Variants in TFG observed in about 807,000 individuals in gnomAD.
TFG encodes protein TFG.
A neutral mutation model predicts 51.4 loss-of-function variants in TFG; 22 were observed. That is an observed-to-expected ratio of 0.43 (90% confidence interval 0.31 to 0.61). The LOEUF (loss-of-function observed/expected upper bound fraction) is 0.61. Among genes scored for constraint, TFG ranks in the 20% least tolerant of loss-of-function variants. The probability of loss-of-function intolerance (pLI) is 0.12; values close to 1 mark genes in which losing one functional copy is unlikely to be tolerated. For missense variants in TFG, 419 were observed against 487.7 expected, an observed-to-expected ratio of 0.86 and a Z score of 1.33; for synonymous variants, 187 against 165.6, an observed-to-expected ratio of 1.13 and a Z score of -0.99.
Position 100,722,192 on chromosome 3 carries a change from A to G in TFG, c.268+2134A>G, listed in dbSNP as rs78235415. Among the ~76,000 whole-genome samples the G allele has an allele frequency of 0.02, 3,084 of 152,316 alleles. 326 individuals carry two copies. In the East Asian group the frequency reaches 0.35, roughly 17 times the overall value. ...AACGAGAACATAAGAGCAAGATGCT[A>G]TTGTATTATGGAAAAACAATAAACA... is the stretch of plus-strand genomic sequence containing the variant. On this transcript the variant is annotated intron_variant, in intron 3 of 7. Coordinates refer to ENST00000240851, the MANE Select transcript of TFG (RefSeq NM_006070.6).
chr3:100,748,652 A>G lies in TFG; in HGVS notation c.*121A>G. The stretch of plus-strand genomic sequence containing the variant: ...TTAAAAGCAGAGCATTTTTTATGAT[A>G]TCATTGTTGGTGTTAATTGAAAGTA... On this transcript the variant is annotated 3_prime_UTR_variant, in exon 8 of 8. Coordinates refer to ENST00000240851, the MANE Select transcript of TFG (RefSeq NM_006070.6). 1 of 1,138,382 alleles carries G rather than the reference A, an allele frequency of 8.8e-7. No individual in the cohort carries two copies. Among genetic ancestry groups the G allele is most frequent in the Non-Finnish European group, 1.2e-6 (1 of 832,960 alleles). The allele number at this position is 1,138,382 out of a possible 1,614,324, so 70.5% of individuals were successfully genotyped here.
At chr3:100,742,227 A>G (rs1421952109) in intron 6 of TFG, among the ~76,000 whole-genome samples, 4 of 152,148 alleles carry the variant, frequency 2.6e-5, no homozygotes, top group African/African-American at 9.7e-5. Context: ...CTCACTTAAC[A>G]TTGTTGATAG....
chr3:100,719,015 ACTTT>A (rs1180951483), intron 2 of TFG, among the ~76,000 whole-genome samples: 2 of 152,326 alleles, frequency 1.3e-5, no homozygotes, highest in Non-Finnish European at 2.9e-5. Context: ...TTACATACAT[ACTTT>A]ATTTTCTTTA....
In TFG at chr3:100,736,715, A is replaced by G; in HGVS notation, c.720A>G (p.Glu240=). The change falls in exon 6 of 8, where the codon GAA becomes GAG. Residue 240 remains glutamate, a splice_region_variant and synonymous_variant. Transcript: ENST00000240851. ...CTCAGACTCAAGCAGGTCAGATTGA[A>G]GGTAAAATAGAGTTTAGAACACATG... ...TGAQTQAGQI[E]GQMYQQYQQQ... is the part of the protein sequence containing the mutation. 3.1e-6 allele frequency: 5 copies of G among 1,613,758 alleles called. No homozygotes were observed. Among genetic ancestry groups the G allele is most frequent in the Non-Finnish European group, 4.2e-6 (5 of 1,179,822 alleles).
chr3:100,722,116 A>G (rs2095062477), intron 3 of TFG, among the ~76,000 whole-genome samples: 1 of 152,164 alleles, frequency 6.6e-6, no homozygotes, highest in Non-Finnish European at 1.5e-5. Context: ...GCGCCACTGC[A>G]CTCCAGCCTG....
At position 100,717,979 on chromosome 3, in the gene TFG, C is replaced by T. The variant is rs2095050864; in HGVS notation, c.185-1996C>T. ...TTGCTCTGTCTCCCAAGCTGGAGCG[C>T]AGTGGTGTGATCATGGCTCATTGAA... On this transcript the variant is annotated intron_variant, in intron 2 of 7. Transcript: ENST00000240851. Among the ~76,000 whole-genome samples, 5 of 152,078 alleles carry T rather than the reference C, an allele frequency of 3.3e-5. No individual in the cohort carries two copies. In the South Asian group the frequency reaches 1.0e-3, roughly 31 times the overall value.
At chr3:100,732,741 T>C in intron 5 of TFG, 69 bp downstream of exon 5, 3 of 1,333,592 alleles carry the variant, frequency 2.2e-6, no homozygotes, top group South Asian at 1.5e-5. Flanking sequence ...TTTCCTTCTT[T>C]CTTTAATTGA....
Position 100,728,754 on chromosome 3 carries a change from A to G in TFG, c.311A>G (p.Tyr104Cys). 1.2e-6 allele frequency: 2 copies of G among 1,612,680 alleles called. No individual in the cohort carries two copies. Among genetic ancestry groups the G allele is most frequent in the South Asian group, 2.2e-5 (2 of 90,876 alleles). ...PRPLESSQVK[Y>C]LRRELIELRN... ...CCCCTTGAATCAAGTCAGGTGAAAT[A>G]TCTCCGTCGAGAACTGATAGAACTT... Residue 104 changes from tyrosine to cysteine, a missense_variant, in exon 4 of 8, where the codon TAT becomes TGT. Physicochemically the swap from Tyr to Cys is radical, Grantham distance 194. This residue lies in a region of TFG where 391 missense variants were observed against 434.4 expected (regional missense o/e 0.90). Transcript: ENST00000240851.
In TFG at chr3:100,719,850, A is replaced by C. The variant is rs550123935; in HGVS notation, c.185-125A>C. 1.1e-4 allele frequency: 64 copies of C among 567,156 alleles called. No individual in the cohort carries two copies. The South Asian group carries it at 1.3e-3, about 11-fold the overall frequency. 35.1% of individuals were successfully genotyped at this position (567,156 alleles called of 1,614,324 possible). A position where few individuals can be genotyped will look rare whatever the true frequency, so the allele number is the denominator to read the frequency against. ...TAGACCTTTAAAGTTTAAGGTTTCT[A>C]TGGGAGAGTCCAACTATGTTCTACA... On this transcript the variant is annotated intron_variant, in intron 2 of 7. Transcript: ENST00000240851.
chr3:100,736,605 T>A lies in TFG; in HGVS notation c.610T>A (p.Ser204Thr). The A allele has an allele frequency of 6.2e-7, 1 of 1,613,926 alleles. No individual in the cohort carries two copies. Among genetic ancestry groups the A allele is most frequent in the Non-Finnish European group, 8.5e-7 (1 of 1,179,946 alleles). ...GPPSAPAEDR[S>T]GTPDSIASSS... ...ACCCAGTGCTCCTGCAGAAGATCGT[T>A]CAGGAACACCCGACAGCATTGCTTC... is the stretch of plus-strand genomic sequence containing the variant. The change falls in exon 6 of 8, where the codon TCA becomes ACA. Residue 204 changes from serine to threonine, a missense_variant. This residue lies in a region of TFG where 391 missense variants were observed against 434.4 expected (regional missense o/e 0.90). Transcript: ENST00000240851.
chr3:100,739,414 A>C (rs1161309415), intron 6 of TFG, among the ~76,000 whole-genome samples: 1 of 152,158 alleles, frequency 6.6e-6, no homozygotes, highest in East Asian at 1.9e-4. Flanking sequence ...AAAAGGGATA[A>C]TGTTACTCTT....
chr3:100,723,689 A>G (rs1045250419), intron 3 of TFG, among the ~76,000 whole-genome samples: 1 of 152,212 alleles, frequency 6.6e-6, no homozygotes, highest in African/African-American at 2.4e-5. Flanking sequence ...ACACTTATGC[A>G]TGTTAGCTTT....
At chr3:100,715,184 A>G (rs570653415) in intron 2 of TFG, among the ~76,000 whole-genome samples, 19 of 152,346 alleles carry the variant, frequency 1.2e-4, no homozygotes, top group South Asian at 1.0e-3. Flanking sequence ...GCCAGCAGAT[A>G]TAATAGAAAT....
In TFG at chr3:100,748,418, A is replaced by C. The variant is rs6772054; in HGVS notation, c.1090A>C (p.Thr364Pro). The change falls in exon 8 of 8, where the codon ACT becomes CCT. Residue 364 changes from threonine (T) to proline (P), a missense_variant. Transcript: ENST00000240851. ...PGAYQPRPGF[T>P]SLPGSTMTPP... ...GGCCTATCAACCAAGACCAGGTTTT[A>C]CTTCACTTCCTGGAAGTACCATGAC... The C allele has an allele frequency of 8.2e-4, 1,319 of 1,614,106 alleles. 12 individuals carry two copies. The African/African-American group carries it at 0.015, about 19-fold the overall frequency.
chr3:100,733,740 G>A (rs190231832), intron 5 of TFG, among the ~76,000 whole-genome samples: 59 of 152,116 alleles, frequency 3.9e-4, no homozygotes, highest in African/African-American at 1.4e-3. Flanking sequence ...ATTCTTTTGA[G>A]GATTTTCTGT....
intron 6 of TFG, 130 bp from the exon 7 acceptor site, chr3:100,744,703 G>A (rs1420381444): frequency 1.7e-6 from 1 of 582,680 alleles, no homozygotes; most frequent in African/African-American, 1.9e-5. Context: ...ATTTAAAGTT[G>A]AACAAATACT....
rs1423123429 is a variant in TFG, at chr3:100,728,781, G to A, written c.338G>A (p.Arg113Gln). 4.3e-6 allele frequency: 7 copies of A among 1,612,902 alleles called. No homozygotes were observed. Among genetic ancestry groups the A allele is most frequent in the East Asian group, 4.5e-5 (2 of 44,762 alleles). The change falls in exon 4 of 8, where the codon CGA becomes CAA. Residue 113 changes from arginine to glutamine, a missense_variant. By Grantham distance (43) the Arg-to-Gln change is conservative. Coordinates refer to ENST00000240851, the MANE Select transcript of TFG (RefSeq NM_006070.6). Reference protein sequence around the residue: ...KYLRRELIELRNKVNRLLDSL... With the variant: ...KYLRRELIELQNKVNRLLDSL... ...CTCCGTCGAGAACTGATAGAACTTC[G>A]AAATAAAGTGAATCGTTTATTGGAT... is the stretch of plus-strand genomic sequence containing the variant.
intron 7 of TFG, 67 bp from the exon 8 acceptor site, chr3:100,748,081 AG>A: frequency 6.6e-7 from 1 of 1,506,680 alleles, no homozygotes; most frequent in South Asian, 1.3e-5. Context: ...CCTAACAGTA[AG>A]ACTAATTCTT....
intron 6 of TFG, among the ~76,000 whole-genome samples, chr3:100,742,213 A>C (rs969731068): frequency 2.0e-5 from 3 of 152,158 alleles, no homozygotes; most frequent in Non-Finnish European, 4.4e-5. Flanking sequence ...AAGTACCGTA[A>C]ATCCTCACTT....
Sources: allele counts gnomAD v4.1 joint callset (sites outside exome capture counted in the v4.1 genomes callset), GRCh38; gene constraint gnomAD v4.1.1; regional missense constraint gnomAD v4.1.1; transcripts MANE v1.5; gene names NCBI Gene and HGNC (gene_info 2026-07-23, HGNC 2026-07-21).